ANKRD40: variants seen among roughly 807,000 people sequenced by gnomAD.
ANKRD40 encodes ankyrin repeat domain-containing protein 40.
In ANKRD40, 24 loss-of-function variants were observed where a neutral mutation model predicts 35.5. The observed-to-expected ratio is 0.68, with a 90% CI of 0.49 to 0.95. The LOEUF (loss-of-function observed/expected upper bound fraction) is 0.95. Ranked by LOEUF, ANKRD40 falls within the 40% of genes least tolerant of loss-of-function variation. ANKRD40 has a pLI of 0.00. For synonymous variants in ANKRD40, 147 were observed against 173.5 expected (o/e 0.85, Z 1.20); for missense variants, 361 against 436.0 (o/e 0.83, Z 1.53).
At position 50,707,555 on chromosome 17, in the gene ANKRD40, C is replaced by G. The variant is rs1201975594; in HGVS notation, c.100G>C (p.Val34Leu). Residue 34 changes from valine (V) to leucine (L), a missense_variant, in exon 1 of 5, where the codon GTG (valine) becomes CTG (leucine). This residue lies in a region of ANKRD40 where 56 missense variants were observed against 47.1 expected (regional missense o/e 1.19). Transcript: ENST00000285243. The surrounding 1 kb of genome is among the most constrained non-coding windows in gnomAD (Gnocchi z 4.8). ...REVQKLVESG[V>L]DVNSQNEVNG... ...ACCTCATTTTGGGAGTTCACATCCA[C>G]CCCGCTCTCCACCAGTTTCTGCACC... 7 of 1,608,444 alleles carry G rather than the reference C, an allele frequency of 4.4e-6. No homozygotes were observed. Among genetic ancestry groups the G allele is most frequent in the Non-Finnish European group, 5.9e-6 (7 of 1,177,284 alleles).
In ANKRD40 at chr17:50,694,132, A is replaced by AAAAAAAAAAAAAAAG. The variant is rs1177982986; in HGVS notation, c.*1864_*1865insCTTTTTTTTTTTTTT. ...GCAACAAAGCAAGACTCCGTCTCAA[A>AAAAAAAAAAAAAAAG]AAAAAAAAGAAAAGAAACACCAGGG... is the stretch of plus-strand genomic sequence containing the variant. On this transcript the variant is annotated 3_prime_UTR_variant, in exon 5 of 5. Transcript: ENST00000285243. The AAAAAAAAAAAAAAAG allele has an allele frequency of 1.3e-5, 2 of 150,220 alleles. No individual in the cohort carries two copies. Among genetic ancestry groups the AAAAAAAAAAAAAAAG allele is most frequent in the African/African-American group, 4.9e-5 (2 of 40,834 alleles). The allele number at this position is 150,220 out of a possible 1,614,324, so 9.3% of individuals were successfully genotyped here. A position where few individuals can be genotyped will look rare whatever the true frequency, so the allele number is the denominator to read the frequency against.
Position 50,696,114 on chromosome 17 carries a change from G to A in ANKRD40, c.990C>T (p.Phe330=). 2 of 1,614,058 alleles carry A rather than the reference G, an allele frequency of 1.2e-6. No homozygotes were observed. Among genetic ancestry groups the A allele is most frequent in the African/African-American group, 1.3e-5 (1 of 75,050 alleles). Residue 330 remains phenylalanine (F), a synonymous_variant, in exon 5 of 5, where the codon TTC becomes TTT. Coordinates refer to ENST00000285243, the MANE Select transcript of ANKRD40 (RefSeq NM_052855.4). ...TCATCAGAACCAGTTCCAGCTCCTG[G>A]AAATCTTGGAGTCGAGCAACATCCT... is the stretch of plus-strand genomic sequence containing the variant. ...KDKDVARLQD[F]QELELVLMIS...
Position 50,695,925 on chromosome 17 carries a change from A to G in ANKRD40, c.*72T>C. ...CCTCCCGGGCATCTGAGGCATTTAG[A>G]TCAATGGCTTGTCCTTGGCCCAGAG... On this transcript the variant is annotated 3_prime_UTR_variant, in exon 5 of 5. Transcript: ENST00000285243. 1 of 1,571,780 alleles carries G rather than the reference A, an allele frequency of 6.4e-7. No homozygotes were observed.
At chr17:50,698,292 A>C (rs1169374251) in intron 3 of ANKRD40, among the ~76,000 whole-genome samples, 1 of 152,188 alleles carries the variant, frequency 6.6e-6, no homozygotes, top group Non-Finnish European at 1.5e-5. Context: ...AGACACATGC[A>C]AGGGACATAA....
rs1312369317 is a variant in ANKRD40, at chr17:50,696,394, G to A, written c.961-251C>T. ...ACTGCGAAGGGAGAGGCAATGCACA[G>A]ATCAGTTTCCCAGGTGCCCTGAGAA... On this transcript the variant is annotated intron_variant, in intron 4 of 4. Transcript: ENST00000285243. Among the ~76,000 whole-genome samples, 3 of 152,202 alleles carry A rather than the reference G, an allele frequency of 2.0e-5. No individual in the cohort carries two copies. The East Asian group carries it at 5.8e-4, about 29-fold the overall frequency.
rs775404347 is a variant in ANKRD40 at position 50,694,901 on chromosome 17, T to A, written c.*1096A>T. The A allele has an allele frequency of 1.3e-5, 2 of 152,218 alleles. No individual in the cohort carries two copies. Among genetic ancestry groups the A allele is most frequent in the Non-Finnish European group, 2.9e-5 (2 of 68,030 alleles). The allele number at this position is 152,218 out of a possible 1,614,324, so 9.4% of individuals were successfully genotyped here. A position where few individuals can be genotyped will look rare whatever the true frequency, so the allele number is the denominator to read the frequency against. ...ATTTTTGATACAAAAATAAAGATGCTAACTCCTTTAGCTCAGTTTCCCACA... is the reference window on the plus strand; with the variant it reads ...ATTTTTGATACAAAAATAAAGATGCAAACTCCTTTAGCTCAGTTTCCCACA... On this transcript the variant is annotated 3_prime_UTR_variant, in exon 5 of 5. Coordinates refer to ENST00000285243, the MANE Select transcript of ANKRD40 (RefSeq NM_052855.4).
chr17:50,699,314 A>G (rs1968235705), intron 3 of ANKRD40, 85 bp downstream of exon 3: 8 of 1,508,080 alleles, frequency 5.3e-6, no homozygotes, highest in Non-Finnish European at 6.3e-6. Flanking sequence ...TAAGTTTGCA[A>G]TTATACCCAG....
chr17:50,698,936 T>C (rs1968231615), intron 3 of ANKRD40, among the ~76,000 whole-genome samples: 1 of 148,698 alleles, frequency 6.7e-6, no homozygotes. Context: ...GGTCAGGAGT[T>C]TGAGACCAGC....
chr17:50,697,161 A>G (rs372966412), intron 3 of ANKRD40, 40 bp from the exon 4 acceptor site: 1 of 1,550,626 alleles, frequency 6.4e-7, no homozygotes, highest in Non-Finnish European at 8.8e-7. Flanking sequence ...TAGTTCTGGC[A>G]CAGCACAGCC....
chr17:50,696,982 T>C lies in ANKRD40; in HGVS notation c.918A>G (p.Gln306=). Residue 306 remains glutamine (Q), a synonymous_variant, in exon 4 of 5, where the codon CAA becomes CAG. Coordinates refer to ENST00000285243, the MANE Select transcript of ANKRD40 (RefSeq NM_052855.4). ...CCCELGVNPD[Q]VEKIRKLPNT... ...TGGGTAACTTTCTGATCTTCTCCAC[T>C]TGATCTGGATTAACACCCAGCTCAC... is the stretch of plus-strand genomic sequence containing the variant. 1.2e-6 allele frequency: 2 copies of C among 1,613,222 alleles called. No homozygotes were observed. Among genetic ancestry groups the C allele is most frequent in the Non-Finnish European group, 1.7e-6 (2 of 1,179,586 alleles).
chr17:50,694,267 AC>A lies in ANKRD40; in HGVS notation c.*1729del, dbSNP rs1253713901. On this transcript the variant is annotated 3_prime_UTR_variant, in exon 5 of 5. Transcript: ENST00000285243. ...AGTCACCAGCAGTAATTGGTGGGAT[AC>A]AATTAAGTCACTAAACAGAGTGAGT... 6.6e-6 allele frequency: 1 copy of A among 152,224 alleles called. No individual in the cohort carries two copies. The highest frequency in any genetic ancestry group is 1.5e-5 in the Non-Finnish European group (1 of 68,038). The allele number at this position is 152,224 out of a possible 1,614,324, so 9.4% of individuals were successfully genotyped here. A position where few individuals can be genotyped will look rare whatever the true frequency, so the allele number is the denominator to read the frequency against.
intron 1 of ANKRD40, among the ~76,000 whole-genome samples, chr17:50,702,652 G>C (rs1161026054): frequency 1.3e-5 from 2 of 152,190 alleles, no homozygotes; most frequent in East Asian, 1.9e-4. Flanking sequence ...TAGATCACTT[G>C]TTCGTGGCAA....
Position 50,697,003 on chromosome 17 carries a change from C to T in ANKRD40, c.897G>A (p.Glu299=). 6.2e-7 allele frequency: 1 copy of T among 1,614,096 alleles called. No individual in the cohort carries two copies. The highest frequency in any genetic ancestry group is 8.5e-7 in the Non-Finnish European group (1 of 1,179,988). ...YQELLRVCCC[E]LGVNPDQVEK... ...CCACTTGATCTGGATTAACACCCAGCTCACAGCAACACACTCTGAGCAACT... is the reference window on the plus strand; with the variant it reads ...CCACTTGATCTGGATTAACACCCAGTTCACAGCAACACACTCTGAGCAACT... The change falls in exon 4 of 5, where the codon GAG becomes GAA. Residue 299 remains glutamate, a synonymous_variant. Coordinates refer to ENST00000285243, the MANE Select transcript of ANKRD40 (RefSeq NM_052855.4).
chr17:50,699,667 G>A lies in ANKRD40; in HGVS notation c.510C>T (p.Pro170=), dbSNP rs1968244047. 6.2e-7 allele frequency: 1 copy of A among 1,614,102 alleles called. No individual in the cohort carries two copies. Among genetic ancestry groups the A allele is most frequent in the South Asian group, 1.1e-5 (1 of 91,086 alleles). ...GGTCCCGGGGAAAGGTCCCTAACAG[G>A]GGAGGTTCCCCAGGGGGAAGCAATG... ...SPPLLPPGEP[P]LLGTFPRDHT... The change falls in exon 3 of 5, where the codon CCC becomes CCT. Residue 170 remains proline (P), a synonymous_variant. Transcript: ENST00000285243.
rs1232525662 is a variant in ANKRD40, at chr17:50,696,140, T to C, written c.964A>G (p.Lys322Glu). 1 of 1,613,718 alleles carries C rather than the reference T, an allele frequency of 6.2e-7. No individual in the cohort carries two copies. Among genetic ancestry groups the C allele is most frequent in the Non-Finnish European group, 8.5e-7 (1 of 1,179,858 alleles). The change falls in exon 5 of 5, where the codon AAG (lysine) becomes GAG (glutamate). Residue 322 changes from lysine (K) to glutamate (E), a missense_variant. By Grantham distance (56) the Lys-to-Glu change is moderately conservative. This residue lies in a region of ANKRD40 where 93 missense variants were observed against 129.6 expected (regional missense o/e 0.72). Transcript: ENST00000285243. ...KLPNTLLRKD[K>E]DVARLQDFQE... ...AAATCTTGGAGTCGAGCAACATCCT[T>C]GTCCTAAAACAAAAATATGTTAAAC...
In ANKRD40 at chr17:50,699,555, C is replaced by A; in HGVS notation, c.622G>T (p.Val208Phe). The A allele has an allele frequency of 3.7e-6, 6 of 1,614,204 alleles. No homozygotes were observed. The highest frequency in any genetic ancestry group is 5.1e-6 in the Non-Finnish European group (6 of 1,180,034). Residue 208 changes from valine to phenylalanine, a missense_variant, in exon 3 of 5, where the codon GTT becomes TTT. Transcript: ENST00000285243. ...CTCTGACTCACTGGTGGCTGACAAA[C>A]AGGACCCGGTTTTGTGCTTTCTGGT... ...RTPESTKPGPVCQPPVSQSRS... is the reference protein window; with the variant it reads ...RTPESTKPGPFCQPPVSQSRS...
intron 1 of ANKRD40, among the ~76,000 whole-genome samples, chr17:50,705,458 C>T (rs1968322098): frequency 6.6e-6 from 1 of 151,508 alleles, no homozygotes; most frequent in Non-Finnish European, 1.5e-5. Context: ...GTAGTATCCA[C>T]TGTTTCCTGG....
chr17:50,702,646 T>C (rs1968285232), intron 1 of ANKRD40, among the ~76,000 whole-genome samples: 1 of 152,196 alleles, frequency 6.6e-6, no homozygotes, highest in African/African-American at 2.4e-5. Context: ...TAGTAGTAGA[T>C]CACTTGTTCG....
intron 1 of ANKRD40, chr17:50,700,976 A>G (rs1295514357): frequency 3.2e-5 from 11 of 340,392 alleles, no homozygotes; most frequent in Non-Finnish European, 5.4e-5. Flanking sequence ...CCAGAAGGTA[A>G]GCTCACTGGC....
Sources: gnomAD v4.1 joint callset for allele counts (sites outside exome capture counted in the v4.1 genomes callset) on GRCh38, gnomAD v4.1.1 for gene constraint, gnomAD v4.1.1 regional missense constraint, Gnocchi (gnomAD v3.1) non-coding constraint, MANE v1.5 for transcripts, NCBI Gene and HGNC (gene_info 2026-07-23, HGNC 2026-07-21) for gene names.